Variants in PPP4R2 observed in about 807,000 individuals in gnomAD.
PPP4R2 encodes protein phosphatase 4 regulatory subunit 2, also known as serine/threonine-protein phosphatase 4 regulatory subunit 2.
A neutral mutation model predicts 47.2 loss-of-function variants in PPP4R2; 13 were observed. The observed-to-expected ratio is 0.28, with a 90% CI of 0.18 to 0.44. The LOEUF (loss-of-function observed/expected upper bound fraction) is 0.44. PPP4R2 is among the 20% of genes least tolerant of loss of function. The pLI, the probability that PPP4R2 is intolerant of heterozygous loss-of-function variation, is 1.00. For missense variants in PPP4R2, 421 were observed against 491.2 expected (o/e 0.86, Z 1.35); for synonymous variants, 151 against 163.3 (o/e 0.92, Z 0.57).
chr3:73,060,588 AG>A (rs778074244), intron 4 of PPP4R2, among the ~76,000 whole-genome samples: 117 of 119,388 alleles, frequency 9.8e-4, no homozygotes, highest in Admixed American at 7.7e-5. Flanking sequence ...ATTACAAAAA[AG>A]GTTTGAGTCT....
chr3:73,046,882 A>C (rs996451030), intron 2 of PPP4R2, among the ~76,000 whole-genome samples: 1 of 152,188 alleles, frequency 6.6e-6, no homozygotes, highest in Admixed American at 6.5e-5. Context: ...GAGTCAAAAT[A>C]TTATTTTAAA....
At chr3:72,998,570 T>C (rs753711463) in intron 2 of PPP4R2, among the ~76,000 whole-genome samples, 12 of 152,228 alleles carry the variant, frequency 7.9e-5, no homozygotes, top group Non-Finnish European at 1.6e-4. Context: ...GTCCAGCCTT[T>C]TTTTGGTCAT....
intron 3 of PPP4R2, 24 bp from the exon 4 acceptor site, chr3:73,059,013 C>T (rs773614892): frequency 2.2e-6 from 3 of 1,389,856 alleles, no homozygotes; most frequent in South Asian, 1.2e-5. Context: ...TGATCTCACA[C>T]TGTAAAATTA....
chr3:73,048,038 G>C (rs551746467), intron 3 of PPP4R2, among the ~76,000 whole-genome samples: 1 of 152,006 alleles, frequency 6.6e-6, no homozygotes, highest in East Asian at 1.9e-4. Flanking sequence ...CACCACACCC[G>C]GCTAATTTTT....
intron 2 of PPP4R2, among the ~76,000 whole-genome samples, chr3:73,014,714 C>A (rs1302820400): frequency 6.6e-6 from 1 of 152,048 alleles, no homozygotes; most frequent in African/African-American, 2.4e-5. Flanking sequence ...TTGTAATTTT[C>A]TATCTGATGC....
chr3:73,056,181 T>C (rs1702728749), intron 3 of PPP4R2, among the ~76,000 whole-genome samples: 2 of 152,204 alleles, frequency 1.3e-5, no homozygotes, highest in African/African-American at 4.8e-5. Context: ...TTTGTACTGG[T>C]TTTTCTGGTT....
At chr3:73,038,307 C>A (rs1702304677) in intron 2 of PPP4R2, among the ~76,000 whole-genome samples, 2 of 152,130 alleles carry the variant, frequency 1.3e-5, no homozygotes, top group African/African-American at 2.4e-5. Context: ...TTTGGTACAG[C>A]ACTGACATAG....
At chr3:73,010,538 T>C (rs1275426583) in intron 2 of PPP4R2, among the ~76,000 whole-genome samples, 1 of 150,520 alleles carries the variant, frequency 6.6e-6, no homozygotes. Flanking sequence ...CTTCTTTCAG[T>C]ATAATTTACT....
chr3:73,047,545 T>G (rs1455958926), intron 3 of PPP4R2, among the ~76,000 whole-genome samples, 189 bp downstream of exon 3: 1 of 152,240 alleles, frequency 6.6e-6, no homozygotes, highest in Non-Finnish European at 1.5e-5. Flanking sequence ...CTTAAAAAAC[T>G]TGAACCACCT....
At chr3:73,063,111 G>A in intron 5 of PPP4R2, 1 of 554,060 alleles carries the variant, frequency 1.8e-6, no homozygotes, top group Non-Finnish European at 3.2e-6. Context: ...CACCACGAAT[G>A]TTCCCAAACT....
chr3:73,022,761 C>T (rs948194610), intron 2 of PPP4R2, among the ~76,000 whole-genome samples: 7 of 148,656 alleles, frequency 4.7e-5, no homozygotes, highest in African/African-American at 1.0e-4. Flanking sequence ...TGCAGCTTGC[C>T]GCATTTCTTT....
intron 2 of PPP4R2, among the ~76,000 whole-genome samples, chr3:73,013,648 T>G (rs1457605807): frequency 5.8e-5 from 2 of 34,474 alleles, no homozygotes; most frequent in African/African-American, 3.2e-4. Context: ...TTCTTTTTCT[T>G]TTTTTTTTTT....
intron 2 of PPP4R2, among the ~76,000 whole-genome samples, chr3:73,039,445 G>T (rs1702332421): frequency 6.6e-6 from 1 of 152,146 alleles, no homozygotes. Flanking sequence ...TTTTACCTTT[G>T]AAGCAGTCAG....
At chr3:73,056,116 A>G (rs1702727463) in intron 3 of PPP4R2, among the ~76,000 whole-genome samples, 1 of 152,172 alleles carries the variant, frequency 6.6e-6, no homozygotes, top group South Asian at 2.1e-4. Context: ...TGCTATGTCT[A>G]ATGGATGAGT....
At chr3:73,045,666 A>G (rs1407812189) in intron 2 of PPP4R2, among the ~76,000 whole-genome samples, 1 of 151,728 alleles carries the variant, frequency 6.6e-6, no homozygotes, top group Non-Finnish European at 1.5e-5. Context: ...AGCTGGGATT[A>G]CAGGCATGCA....
In PPP4R2 at chr3:73,026,018, T is replaced by C. The variant is rs971652231; in HGVS notation, c.117-21168T>C. 2.0e-5 allele frequency among the ~76,000 whole-genome samples: 3 copies of C among 152,202 alleles called. No individual in the cohort carries two copies. In the South Asian group the frequency reaches 6.2e-4, roughly 31 times the overall value. On this transcript the variant is annotated intron_variant, in intron 2 of 8. Coordinates refer to ENST00000356692, the MANE Select transcript of PPP4R2 (RefSeq NM_174907.4). ...CCTGGGTTTTTATAGGTTTCCTAAC[T>C]TGATTTTGCTTGCCCTTTCTAGTCT...
At chr3:73,060,416 G>A (rs1559568582) in intron 4 of PPP4R2, among the ~76,000 whole-genome samples, 1 of 152,190 alleles carries the variant, frequency 6.6e-6, no homozygotes, top group Non-Finnish European at 1.5e-5. Flanking sequence ...GTGTTTCATA[G>A]TTGTGTGACC....
intron 2 of PPP4R2, among the ~76,000 whole-genome samples, chr3:73,037,042 T>C (rs1702277405): frequency 6.6e-6 from 1 of 152,188 alleles, no homozygotes. Flanking sequence ...TCAGTCTCCC[T>C]AAATTTAAAA....
chr3:73,002,634 CTTTTTTT>C (rs1173734970), intron 2 of PPP4R2, among the ~76,000 whole-genome samples: 4 of 41,166 alleles, frequency 9.7e-5, no homozygotes, highest in South Asian at 2.6e-3. Flanking sequence ...CTTTTCTTTT[CTTTTTTT>C]TTTTTTTTTT....
Sources: gnomAD v4.1 joint callset for allele counts (sites outside exome capture counted in the v4.1 genomes callset) on GRCh38, gnomAD v4.1.1 for gene constraint, MANE v1.5 for transcripts, NCBI Gene and HGNC (gene_info 2026-07-23, HGNC 2026-07-21) for gene names.